LPIN1: variants seen among roughly 807,000 people sequenced by gnomAD.
LPIN1 encodes the protein lipin 1, also known as phosphatidate phosphatase LPIN1.
Under a neutral mutation model 107.5 loss-of-function variants are expected in LPIN1, and 71 were observed. That is an observed-to-expected ratio of 0.66 (90% CI 0.55 to 0.80). LPIN1 has a LOEUF of 0.80. LPIN1 is among the 30% of genes least tolerant of loss of function. The pLI, the probability that LPIN1 is intolerant of heterozygous loss-of-function variation, is 0.00. For synonymous variants in LPIN1, 445 were observed against 452.6 expected (o/e 0.98, Z 0.21); for missense variants, 1,043 against 1,160.6 (o/e 0.90, Z 1.47).
chr2:11,749,179 G>A (rs937270846), intron 1 of LPIN1, among the ~76,000 whole-genome samples: 9 of 152,300 alleles, frequency 5.9e-5, no homozygotes, highest in African/African-American at 1.4e-4. Context: ...GTTCAGTGAC[G>A]TCACAGGTTC....
chr2:11,791,526 T>G (rs1675723598), intron 12 of LPIN1, among the ~76,000 whole-genome samples: 1 of 152,244 alleles, frequency 6.6e-6, no homozygotes, highest in Non-Finnish European at 1.5e-5. Flanking sequence ...ATATTAATCA[T>G]TTCATATTTT....
intron 1 of LPIN1, among the ~76,000 whole-genome samples, chr2:11,732,909 C>G (rs112281768): frequency 0.12 from 18,005 of 150,290 alleles, 3,011 homozygotes; most frequent in African/African-American, 0.38. Flanking sequence ...CTCTCTCTCT[C>G]TCTGTGTGTG....
At chr2:11,755,944 G>A (rs112090919) in intron 1 of LPIN1, among the ~76,000 whole-genome samples, 5,600 of 151,882 alleles carry the variant, frequency 0.037, 137 homozygotes, top group Non-Finnish European at 0.052. Flanking sequence ...GATGATCTCG[G>A]TCTCCTGACC....
intron 12 of LPIN1, 52 bp from the exon 13 acceptor site, chr2:11,791,862 T>C (rs989203338): frequency 1.9e-6 from 3 of 1,601,140 alleles, no homozygotes; most frequent in African/African-American, 2.7e-5. Context: ...TTGAATGTGC[T>C]AAGTTGATCT....
At chr2:11,681,089 C>T (rs962068108) in intron 1 of LPIN1, among the ~76,000 whole-genome samples, 1 of 152,226 alleles carries the variant, frequency 6.6e-6, no homozygotes, top group Non-Finnish European at 1.5e-5. Context: ...TGCCAAGACA[C>T]TGAATCCCTC....
At chr2:11,682,794 G>A (rs1430531059) in intron 1 of LPIN1, 1 of 152,194 alleles carries the variant, frequency 6.6e-6, no homozygotes, top group African/African-American at 2.4e-5. Flanking sequence ...GACGATCCAG[G>A]GCAGACCCTT....
intron 1 of LPIN1, among the ~76,000 whole-genome samples, chr2:11,725,263 A>AAAC (rs1378891650): frequency 6.7e-6 from 1 of 150,372 alleles, no homozygotes; most frequent in African/African-American, 2.4e-5. Context: ...TCCGTCTCAA[A>AAAC]AACAAAAACA....
At chr2:11,761,817 T>C (rs1669878994) in intron 1 of LPIN1, among the ~76,000 whole-genome samples, 1 of 152,160 alleles carries the variant, frequency 6.6e-6, no homozygotes, top group Non-Finnish European at 1.5e-5. Flanking sequence ...GAATGTAGCT[T>C]ATAAAAGAAC....
chr2:11,689,512 T>C (rs1484578415), intron 1 of LPIN1, among the ~76,000 whole-genome samples: 1 of 152,272 alleles, frequency 6.6e-6, no homozygotes, highest in African/African-American at 2.4e-5. Flanking sequence ...TTTATAATTT[T>C]AAAATATAAT....
At chr2:11,811,932 C>G (rs1039542665) in intron 17 of LPIN1, among the ~76,000 whole-genome samples, 4 of 152,132 alleles carry the variant, frequency 2.6e-5, no homozygotes, top group African/African-American at 9.7e-5. Context: ...TAGCAGTGAG[C>G]TGAGATCGTG....
Position 11,795,477 on chromosome 2 carries a change from T to C in LPIN1, c.1876T>C (p.Leu626=), listed in dbSNP as rs769939440. The change falls in exon 14 of 21, where the codon TTG becomes CTG. Residue 626 remains leucine, a synonymous_variant. Transcript: ENST00000674199. ...CGGAGAGCAACCGCCGCAGCTCAGC[T>C]TGGCCACCAGGTGCGGTAGGAGGCT... ...STGEQPPQLS[L]ATRVKHESSS... 73 of 1,613,998 alleles carry C rather than the reference T, an allele frequency of 4.5e-5. No individual in the cohort carries two copies. Among genetic ancestry groups the C allele is most frequent in the Non-Finnish European group, 5.2e-5 (61 of 1,179,988 alleles).
At chr2:11,815,389 C>A in intron 18 of LPIN1, 149 bp downstream of exon 18, 1 of 1,021,378 alleles carries the variant, frequency 9.8e-7, no homozygotes, top group Non-Finnish European at 1.5e-6. Flanking sequence ...TCATTCCAAA[C>A]ACAGGTCTAC....
At chr2:11,785,170 T>C (rs1674332882) in intron 10 of LPIN1, 94 bp downstream of exon 10, 1 of 942,876 alleles carries the variant, frequency 1.1e-6, no homozygotes, top group African/African-American at 1.7e-5. Context: ...CAAGGCAGCT[T>C]TTCCCTTGGT....
At chr2:11,762,483 A>T (rs1670004005) in intron 1 of LPIN1, among the ~76,000 whole-genome samples, 1 of 152,130 alleles carries the variant, frequency 6.6e-6, no homozygotes, top group Non-Finnish European at 1.5e-5. Flanking sequence ...CTCTCATTAC[A>T]GATTTGTTCC....
Position 11,697,449 on chromosome 2 carries a change from G to T in LPIN1, c.82-16307G>T, listed in dbSNP as rs1323470139. 1.3e-5 allele frequency among the ~76,000 whole-genome samples: 2 copies of T among 152,352 alleles called. No homozygotes were observed. Among genetic ancestry groups the T allele is most frequent in the East Asian group, 1.9e-4 (1 of 5,176 alleles). On this transcript the variant is annotated intron_variant, in intron 1 of 21. Coordinates refer to the LPIN1 transcript ENST00000449576. This position sits in a 1 kb window ranked among gnomAD's most constrained non-coding sequence, Gnocchi z 4.6. ...GGGGCTGCACCAGGAGCTGTGCTCG[G>T]CTCCTGCTTCTCCCTGGTTTGGCCT...
chr2:11,787,096 G>A lies in LPIN1; in HGVS notation c.1572G>A (p.Val524=). Residue 524 remains valine, a synonymous_variant, in exon 11 of 21, where the codon GTG becomes GTA. Coordinates refer to ENST00000674199, the MANE Select transcript of LPIN1 (RefSeq NM_001349206.2). ...ITKDAFLEQA[V]SYQQFVDNPA... Reference sequence around the variant, plus strand: ...CAGATGCATTCCTGGAGCAAGCTGTGTCATATCAACAGTTTGTGGACAACC... The same window carrying A: ...CAGATGCATTCCTGGAGCAAGCTGTATCATATCAACAGTTTGTGGACAACC... 1 of 1,613,958 alleles carries A rather than the reference G, an allele frequency of 6.2e-7. No homozygotes were observed. Among genetic ancestry groups the A allele is most frequent in the Non-Finnish European group, 8.5e-7 (1 of 1,179,840 alleles).
rs1333661802 is a variant in LPIN1, at chr2:11,765,325, A to G, written c.-9-208A>G. Among the ~76,000 whole-genome samples, 1 of 151,876 alleles carries G rather than the reference A, an allele frequency of 6.6e-6. No individual in the cohort carries two copies. The highest frequency in any genetic ancestry group is 1.5e-5 in the Non-Finnish European group (1 of 67,936). ...CCGTGATGGACCCTGATGGGCCATG[A>G]TGGACACTGATGGGCCGTGATGGGC... On this transcript the variant is annotated intron_variant, in intron 1 of 20. Coordinates refer to ENST00000674199, the MANE Select transcript of LPIN1 (RefSeq NM_001349206.2). The surrounding 1 kb of genome is among the most constrained non-coding windows in gnomAD (Gnocchi z 4.4).
At chr2:11,695,444 T>C (rs1270389890) in intron 1 of LPIN1, among the ~76,000 whole-genome samples, 1 of 151,986 alleles carries the variant, frequency 6.6e-6, no homozygotes, top group Non-Finnish European at 1.5e-5. Context: ...GAAAAGCCAG[T>C]GCAGAGGCCC....
At chr2:11,743,569 G>A (rs1405245577), upstream of LPIN1, among the ~76,000 whole-genome samples, 1 of 152,162 alleles carries the variant, frequency 6.6e-6, no homozygotes, top group African/African-American at 2.4e-5. This position sits in a 1 kb window ranked among gnomAD's most constrained non-coding sequence, Gnocchi z 4.7. Flanking sequence ...AAGTCACCTC[G>A]TGAGGGGCCC....
Sources: gnomAD v4.1 joint callset for allele counts (sites outside exome capture counted in the v4.1 genomes callset) on GRCh38, gnomAD v4.1.1 for gene constraint, Gnocchi (gnomAD v3.1) non-coding constraint, MANE v1.5 for transcripts, NCBI Gene and HGNC (gene_info 2026-07-23, HGNC 2026-07-21) for gene names.